The following DDB1 variants were observed in gnomAD, a reference collection of about 807,000 sequenced individuals.
DDB1 encodes DNA damage-binding protein 1.
In DDB1, 18 loss-of-function variants were observed where a neutral mutation model predicts 133.1. The observed-to-expected ratio is 0.14, with a 90% confidence interval of 0.09 to 0.20. The LOEUF (loss-of-function observed/expected upper bound fraction) is 0.20. Ranked by LOEUF, DDB1 falls within the 10% of genes least tolerant of loss-of-function variation. The pLI is 1.00. For missense variants in DDB1, 828 were observed against 1,459.2 expected (o/e 0.57, Z 7.05); for synonymous variants, 580 against 550.5 (o/e 1.05, Z -0.75).
At chr11:61,330,695 G>A (rs554093771) in intron 2 of DDB1, among the ~76,000 whole-genome samples, 31 of 151,376 alleles carry the variant, frequency 2.0e-4, no homozygotes, top group African/African-American at 7.3e-4. Context: ...ATGGAGTCTC[G>A]CTCTGTCACC....
rs765753140 is a variant in DDB1 at position 61,329,528 on chromosome 11, G to A, written c.384C>T (p.Cys128=). 41 of 1,614,042 alleles carry A rather than the reference G, an allele frequency of 2.5e-5. No homozygotes were observed. The highest frequency in any genetic ancestry group is 3.3e-5 in the Non-Finnish European group (39 of 1,180,032). The stretch of plus-strand genomic sequence containing the variant: ...CATAGAGACGCAGGCCAATCATCCG[G>A]CACTCAGGGTCAATGATGCCAATAA... The part of the protein sequence containing the change: ...TGIIGIIDPE[C]RMIGLRLYDG... The change falls in exon 4 of 27, where the codon TGC becomes TGT. Residue 128 remains cysteine, a synonymous_variant. Transcript: ENST00000301764.
chr11:61,331,849 C>A, intron 1 of DDB1, 158 bp from the exon 2 acceptor site: 1 of 964,852 alleles, frequency 1.0e-6, no homozygotes, highest in Admixed American at 2.6e-5. Context: ...CCAAATCCGG[C>A]ACCTCAAAGA....
chr11:61,316,965 A>G (rs1460249259), intron 10 of DDB1, among the ~76,000 whole-genome samples: 6 of 36,070 alleles, frequency 1.7e-4, no homozygotes, highest in Admixed American at 1.4e-3. Context: ...ATATATATAT[A>G]TATATATATA....
intron 24 of DDB1, 86 bp downstream of exon 24, chr11:61,302,496 T>C: frequency 1.3e-6 from 2 of 1,592,956 alleles, no homozygotes; most frequent in Non-Finnish European, 1.7e-6. Flanking sequence ...ACCTAGGTCT[T>C]GTACAGTTGC....
chr11:61,316,250 T>A, intron 12 of DDB1, 35 bp downstream of exon 12: 2 of 1,583,892 alleles, frequency 1.3e-6, no homozygotes, highest in Non-Finnish European at 1.7e-6. Context: ...TCAATTCAAG[T>A]ATATGGTAAC....
chr11:61,311,703 G>A lies in DDB1; in HGVS notation c.2277+81C>T, dbSNP rs11230667. Reference sequence around the variant, plus strand: ...CTGAGACCACACTGCCTGCAAAGCCGAAAGCCTTCACTACCTGGCCTGTAC... The same window carrying A: ...CTGAGACCACACTGCCTGCAAAGCCAAAAGCCTTCACTACCTGGCCTGTAC... On this transcript the variant is annotated intron_variant, in intron 18 of 26. Coordinates refer to ENST00000301764, the MANE Select transcript of DDB1 (RefSeq NM_001923.5). 30,977 of 1,307,366 alleles carry A rather than the reference G, an allele frequency of 0.024. 3,783 individuals are homozygous for A. In the African/African-American group the frequency reaches 0.32, roughly 13 times the overall value. The allele number at this position is 1,307,366 out of a possible 1,614,324, so 81.0% of individuals were successfully genotyped here.
chr11:61,314,149 C>T lies in DDB1; in HGVS notation c.1651G>A (p.Gly551Arg), dbSNP rs766056575. The T allele has an allele frequency of 1.2e-6, 2 of 1,613,882 alleles. No homozygotes were observed. Among genetic ancestry groups the T allele is most frequent in the African/African-American group, 1.3e-5 (1 of 75,040 alleles). Residue 551 changes from glycine to arginine, a missense_variant, in exon 14 of 27, where the codon GGA becomes AGA. Physicochemically the swap from Gly to Arg is moderately radical, Grantham distance 125. Coordinates refer to ENST00000301764, the MANE Select transcript of DDB1 (RefSeq NM_001923.5). ...CCAATGGCACAAAGAGGGGACAGTCCATTGCTGTCTCCTAATGGGGTGATG... is the reference window on the plus strand; with the variant it reads ...CCAATGGCACAAAGAGGGGACAGTCTATTGCTGTCTCCTAATGGGGTGATG... The part of the protein sequence containing the change: ...LDITPLGDSN[G>R]LSPLCAIGLW...
At chr11:61,313,233 A>G (rs1006781961) in intron 16 of DDB1, among the ~76,000 whole-genome samples, 2 of 152,214 alleles carry the variant, frequency 1.3e-5, no homozygotes, top group Non-Finnish European at 2.9e-5. Flanking sequence ...ATTATGAAAC[A>G]GTCATCTGAA....
At chr11:61,322,934 G>C (rs913160254) in intron 8 of DDB1, 77 bp downstream of exon 8, 3 of 1,191,398 alleles carry the variant, frequency 2.5e-6, no homozygotes, top group Non-Finnish European at 3.6e-6. Flanking sequence ...ATTCTGAGAG[G>C]TGCCAAACAT....
chr11:61,317,357 C>T (rs1036399783), intron 10 of DDB1, among the ~76,000 whole-genome samples: 2 of 151,778 alleles, frequency 1.3e-5, no homozygotes, highest in Non-Finnish European at 2.9e-5. Flanking sequence ...TCGTGATCCG[C>T]CACCTTGGCC....
At chr11:61,310,243 G>A in intron 19 of DDB1, 52 bp downstream of exon 19, 9 of 1,579,214 alleles carry the variant, frequency 5.7e-6, no homozygotes, top group Non-Finnish European at 7.7e-6. Context: ...GCCCAGAACA[G>A]CCTGGATTAG....
chr11:61,303,761 T>C (rs1052297577), intron 22 of DDB1, 104 bp downstream of exon 22: 9 of 1,095,664 alleles, frequency 8.2e-6, no homozygotes, highest in East Asian at 5.2e-5. Context: ...GGGGAAAACA[T>C]TTCTGCCCCT....
At chr11:61,313,420 C>T in intron 16 of DDB1, 79 bp downstream of exon 16, 1 of 1,331,600 alleles carries the variant, frequency 7.5e-7, no homozygotes, top group Admixed American at 2.0e-5. Context: ...CGGAAAAAGG[C>T]TTTGAGGTAA....
At chr11:61,320,986 T>C (rs1166032498) in intron 10 of DDB1, among the ~76,000 whole-genome samples, 1 of 151,962 alleles carries the variant, frequency 6.6e-6, no homozygotes, top group Non-Finnish European at 1.5e-5. Context: ...TGGGCTCAAG[T>C]GATCTTCCAC....
At chr11:61,318,336 A>G (rs868560698) in intron 10 of DDB1, among the ~76,000 whole-genome samples, 1 of 152,228 alleles carries the variant, frequency 6.6e-6, no homozygotes. Flanking sequence ...GAGGCTCAGA[A>G]CTGGGACTAC....
chr11:61,330,063 C>T lies in DDB1; in HGVS notation c.222G>A (p.Lys74=). The T allele has an allele frequency of 1.2e-6, 2 of 1,612,846 alleles. No individual in the cohort carries two copies. The highest frequency in any genetic ancestry group is 1.7e-6 in the Non-Finnish European group (2 of 1,179,024). ...MELFRPKGES[K]DLLFILTAKY... is the part of the protein sequence containing the mutation. Reference sequence around the variant, plus strand: ...TCGCTGTCAAGATAAACAGCAGGTCCTTGCTCTCCCCCTGGAAACCAATAT... The same window carrying T: ...TCGCTGTCAAGATAAACAGCAGGTCTTTGCTCTCCCCCTGGAAACCAATAT... The change falls in exon 3 of 27, where the codon AAG becomes AAA. Residue 74 remains lysine, a synonymous_variant. Transcript: ENST00000301764.
intron 16 of DDB1, among the ~76,000 whole-genome samples, chr11:61,312,605 TTTC>T (rs1855995524): frequency 6.6e-6 from 1 of 150,486 alleles, no homozygotes; most frequent in South Asian, 2.1e-4. Context: ...CACCTCCCAG[TTTC>T]TTTTTTTTTA....
At chr11:61,323,568 A>G (rs190051963) in intron 7 of DDB1, 131 of 252,842 alleles carry the variant, frequency 5.2e-4, no homozygotes, top group Non-Finnish European at 8.9e-4. Flanking sequence ...ACACACCACC[A>G]TACCCACCTA....
chr11:61,328,351 T>A (rs576804396), intron 4 of DDB1, among the ~76,000 whole-genome samples: 1 of 152,110 alleles, frequency 6.6e-6, no homozygotes, highest in Non-Finnish European at 1.5e-5. Flanking sequence ...GCCAACACAC[T>A]CTATGTGGAA....
Sources: gnomAD v4.1 joint callset for allele counts (sites outside exome capture counted in the v4.1 genomes callset) on GRCh38, gnomAD v4.1.1 for gene constraint, MANE v1.5 for transcripts, NCBI Gene and HGNC (gene_info 2026-07-23, HGNC 2026-07-21) for gene names.